The following PIEZO2 variants were observed in gnomAD, a reference collection of about 807,000 sequenced individuals.
The protein encoded by PIEZO2 is piezo type mechanosensitive ion channel component 2.
Under a neutral mutation model 337.3 loss-of-function variants are expected in PIEZO2, and 172 were observed. The observed-to-expected ratio is 0.51, with a 90% CI of 0.45 to 0.58. The LOEUF (loss-of-function observed/expected upper bound fraction) is 0.58. PIEZO2 is among the 20% of genes least tolerant of loss of function. The pLI is 0.00. For missense variants in PIEZO2, 3,028 were observed against 3,391.3 expected, an observed-to-expected ratio of 0.89 and a Z score of 2.66; for synonymous variants, 1,251 against 1,228.5, an observed-to-expected ratio of 1.02 and a Z score of -0.38.
Position 11,127,563 on chromosome 18 carries a change from A to C in PIEZO2, c.64+20962T>G, listed in dbSNP as rs192248436. Among the ~76,000 whole-genome samples, 36 of 152,192 alleles carry C rather than the reference A, an allele frequency of 2.4e-4. No homozygotes were observed. Among genetic ancestry groups the C allele is most frequent in the Admixed American group, 2.1e-3 (32 of 15,284 alleles). On this transcript the variant is annotated intron_variant, in intron 1 of 55. Coordinates refer to ENST00000674853, the MANE Select transcript of PIEZO2 (RefSeq NM_001378183.1). The surrounding 1 kb of genome is among the most constrained non-coding windows in gnomAD (Gnocchi z 4.5). The stretch of plus-strand genomic sequence containing the variant: ...CTGTGCTGAATGCTTCCTGCCCTCG[A>C]ACATCAGGCTCCAAGTTCTTCAGTT...
chr18:10,924,759 C>T (rs544267104), intron 3 of PIEZO2, among the ~76,000 whole-genome samples: 4 of 152,170 alleles, frequency 2.6e-5, no homozygotes, highest in African/African-American at 9.6e-5. Flanking sequence ...TTTCCATAGG[C>T]GGAGGATTTT....
intron 1 of PIEZO2, among the ~76,000 whole-genome samples, chr18:11,144,891 C>T (rs2040768086): frequency 6.6e-6 from 1 of 152,110 alleles, no homozygotes; most frequent in Non-Finnish European, 1.5e-5. Context: ...GAACTCCAGG[C>T]AACACTGGGC....
rs1178976064 is a variant in PIEZO2, at chr18:10,713,307, C to T, written c.5423+1457G>A. ...TGGCATAATTAGAGAGGCTCAAATA[C>T]AGGAATGCAGCAACAGTTAATTAGC... is the stretch of plus-strand genomic sequence containing the variant. On this transcript the variant is annotated intron_variant, in intron 39 of 55. Coordinates refer to ENST00000674853, the MANE Select transcript of PIEZO2 (RefSeq NM_001378183.1). The surrounding 1 kb of genome is among the most constrained non-coding windows in gnomAD (Gnocchi z 4.5). Among the ~76,000 whole-genome samples the T allele has an allele frequency of 6.6e-6, 1 of 151,710 alleles. No homozygotes were observed. The highest frequency in any genetic ancestry group is 2.4e-5 in the African/African-American group (1 of 41,330).
chr18:10,676,589 A>G lies in PIEZO2; in HGVS notation c.8081+1158T>C, dbSNP rs11875474. ...TACCCCCATTCAGAGACCCAGGGGC[A>G]GGAATAATAGTAGAAAAGGGTCTCA... is the stretch of plus-strand genomic sequence containing the variant. On this transcript the variant is annotated intron_variant, in intron 53 of 55. Transcript: ENST00000674853. The surrounding 1 kb of genome is among the most constrained non-coding windows in gnomAD (Gnocchi z 5.1). 3.5e-4 allele frequency among the ~76,000 whole-genome samples: 54 copies of G among 152,326 alleles called. No individual in the cohort carries two copies. Among genetic ancestry groups the G allele is most frequent in the African/African-American group, 1.2e-3 (51 of 41,578 alleles).
At chr18:11,020,925 C>T (rs1003068490) in intron 2 of PIEZO2, among the ~76,000 whole-genome samples, 3 of 152,112 alleles carry the variant, frequency 2.0e-5, no homozygotes, top group Non-Finnish European at 4.4e-5. Context: ...AGTAAACAAC[C>T]CCTCTCCCCC....
intron 1 of PIEZO2, among the ~76,000 whole-genome samples, chr18:11,108,897 G>A (rs1176103160): frequency 5.9e-5 from 9 of 152,158 alleles, no homozygotes; most frequent in Non-Finnish European, 1.2e-4. Context: ...ACCAAAGGAA[G>A]TGTTAAACAG....
At chr18:10,715,838 A>C in intron 37 of PIEZO2, 22 bp from the exon 38 acceptor site, 13 of 1,487,790 alleles carry the variant, frequency 8.7e-6, no homozygotes, top group Non-Finnish European at 1.2e-5. Flanking sequence ...AAAGGCAACA[A>C]GATGTTAAAG....
chr18:10,916,094 T>A (rs189952232), intron 3 of PIEZO2, among the ~76,000 whole-genome samples: 1 of 152,102 alleles, frequency 6.6e-6, no homozygotes, highest in Admixed American at 6.5e-5. Flanking sequence ...CCCACCAGAG[T>A]AGCTAGACAC....
intron 4 of PIEZO2, among the ~76,000 whole-genome samples, chr18:10,880,127 G>C (rs879708549): frequency 3.7e-4 from 56 of 152,160 alleles, no homozygotes; most frequent in Non-Finnish European, 5.9e-4. Context: ...GTTTTTAAAA[G>C]CTGCAACAGT....
At chr18:11,042,076 G>A (rs2037143543) in intron 2 of PIEZO2, among the ~76,000 whole-genome samples, 2 of 152,206 alleles carry the variant, frequency 1.3e-5, no homozygotes, top group African/African-American at 2.4e-5. Flanking sequence ...CCTCTCAGCA[G>A]TGTTCTGGGG....
At chr18:10,742,330 T>G (rs2037257720) in intron 32 of PIEZO2, among the ~76,000 whole-genome samples, 164 bp downstream of exon 32, 5 of 152,190 alleles carry the variant, frequency 3.3e-5, no homozygotes, top group Admixed American at 3.3e-4. Flanking sequence ...TTTATGAAAC[T>G]AATGAATATA....
rs1188605768 is a variant in PIEZO2 at position 10,727,131 on chromosome 18, G to A, written c.5029+4276C>T. On this transcript the variant is annotated intron_variant, in intron 36 of 55. Transcript: ENST00000674853. The surrounding 1 kb of genome is among the most constrained non-coding windows in gnomAD (Gnocchi z 6.3). ...CCCTTGCTAGCCTCCCTGGGGCCTG[G>A]GGATCTGCAGCAGCATGTCTGGCAA... 1.6e-5 allele frequency: 7 copies of A among 444,600 alleles called. No homozygotes were observed. In the Admixed American group the frequency reaches 3.0e-4, roughly 19 times the overall value. The allele number at this position is 444,600 out of a possible 1,614,324, so 27.5% of individuals were successfully genotyped here.
chr18:10,744,453 CA>C (rs968343771), intron 30 of PIEZO2, among the ~76,000 whole-genome samples: 5 of 152,154 alleles, frequency 3.3e-5, no homozygotes, highest in African/African-American at 1.2e-4. Context: ...GGGCTGCTCA[CA>C]AGCCCAGTAG....
chr18:10,816,843 G>C (rs367560331), intron 7 of PIEZO2, among the ~76,000 whole-genome samples: 1 of 152,094 alleles, frequency 6.6e-6, no homozygotes, highest in Non-Finnish European at 1.5e-5. Flanking sequence ...TGCACAAATA[G>C]AAACTAATAC....
chr18:10,939,075 A>G, intron 3 of PIEZO2, among the ~76,000 whole-genome samples: 1 of 96,212 alleles, frequency 1.0e-5, no homozygotes, highest in Non-Finnish European at 2.2e-5. Flanking sequence ...AACAAAAAAC[A>G]AAACAAAAAA....
chr18:10,995,572 T>C (rs947731753), intron 2 of PIEZO2, among the ~76,000 whole-genome samples: 5 of 152,242 alleles, frequency 3.3e-5, no homozygotes, highest in Non-Finnish European at 7.3e-5. Context: ...ACTTAAAATA[T>C]TGAGATACCA....
Position 10,770,569 on chromosome 18 carries a change from TTATCTTC to T in PIEZO2, c.2786-268_2786-262del, listed in dbSNP as rs1490822784. Among the ~76,000 whole-genome samples, 6 of 49,370 alleles carry T rather than the reference TTATCTTC, an allele frequency of 1.2e-4. No homozygotes were observed. In the East Asian group the frequency reaches 6.4e-3, roughly 52 times the overall value. The allele number at this position is 49,370 out of a possible 152,430, so 32.4% of individuals were successfully genotyped here. ...ATTAGTGTAAAGAAGGATTTTGACA[TTATCTTC>T]CTTCCTTCCTTCCTTCCACTCGCTT... On this transcript the variant is annotated intron_variant, in intron 20 of 55. Transcript: ENST00000674853.
rs188462440 is a variant in PIEZO2, at chr18:10,724,926, A to G, written c.5029+6481T>C. On this transcript the variant is annotated intron_variant, in intron 36 of 55. Transcript: ENST00000674853. The surrounding 1 kb of genome is among the most constrained non-coding windows in gnomAD (Gnocchi z 5.8). ...GCACCCTGGGACAGCCTCCACCTGG[A>G]CGGCGATGGAACCCAGGTGGGCGCA... 3.4e-4 allele frequency: 551 copies of G among 1,605,496 alleles called. No homozygotes were observed. In the African/African-American group the frequency reaches 6.2e-3, roughly 18 times the overall value.
intron 18 of PIEZO2, among the ~76,000 whole-genome samples, chr18:10,777,310 C>CTACACTTCCACAGCTTTG (rs2038825380): frequency 6.6e-6 from 1 of 152,238 alleles, no homozygotes; most frequent in South Asian, 2.1e-4. Flanking sequence ...TTCACTCACT[C>CTACACTTCCACAGCTTTG]TACACTTCCA....
Sources: allele counts gnomAD v4.1 joint callset (sites outside exome capture counted in the v4.1 genomes callset), GRCh38; gene constraint gnomAD v4.1.1; non-coding constraint Gnocchi (gnomAD v3.1); transcripts MANE v1.5; gene names NCBI Gene and HGNC (gene_info 2026-07-23, HGNC 2026-07-21).